KCNH8: variants seen among roughly 807,000 people sequenced by gnomAD.
KCNH8 encodes the protein voltage-gated delayed rectifier potassium channel KCNH8.
A neutral mutation model predicts 103.6 loss-of-function variants in KCNH8; 70 were observed. The observed-to-expected ratio is 0.68, with a 90% CI of 0.56 to 0.82. The LOEUF is 0.82. Among genes scored for constraint, KCNH8 ranks in the 40% least tolerant of loss-of-function variants. The pLI is 0.00. For synonymous variants in KCNH8, 498 were observed against 489.4 expected (o/e 1.02, Z -0.23); for missense variants, 1,217 against 1,329.9 (o/e 0.92, Z 1.32).
intron 11 of KCNH8, among the ~76,000 whole-genome samples, chr3:19,484,025 G>A (rs1452057540): frequency 3.9e-5 from 6 of 152,090 alleles, no homozygotes; most frequent in Admixed American, 3.3e-4. Flanking sequence ...AATTAAGAGA[G>A]TCACATTTCC....
intron 1 of KCNH8, among the ~76,000 whole-genome samples, chr3:19,243,394 C>T (rs554863998): frequency 1.5e-4 from 23 of 152,260 alleles, no homozygotes; most frequent in African/African-American, 5.3e-4. Flanking sequence ...GATATTACAG[C>T]CATGGAATAG....
chr3:19,437,333 A>G (rs1559327536), intron 7 of KCNH8, among the ~76,000 whole-genome samples: 1 of 152,192 alleles, frequency 6.6e-6, no homozygotes, highest in African/African-American at 2.4e-5. Context: ...TTTAAATTCT[A>G]GATAATATTA....
chr3:19,471,404 A>G (rs1416158579), intron 11 of KCNH8, among the ~76,000 whole-genome samples: 2 of 152,128 alleles, frequency 1.3e-5, no homozygotes, highest in Non-Finnish European at 2.9e-5. Context: ...ATTCCATGCT[A>G]CATTCTGGAT....
intron 3 of KCNH8, among the ~76,000 whole-genome samples, chr3:19,309,978 T>C (rs1156560969): frequency 6.6e-6 from 1 of 151,948 alleles, no homozygotes; most frequent in African/African-American, 2.4e-5. Flanking sequence ...ATCAGGTTTT[T>C]GGATCTTGTA....
chr3:19,375,363 C>G (rs1441170959), intron 5 of KCNH8, among the ~76,000 whole-genome samples: 1 of 150,570 alleles, frequency 6.6e-6, no homozygotes. Flanking sequence ...ATTTCATCTT[C>G]CATTGCTGAT....
chr3:19,267,364 G>A (rs2125263551), intron 2 of KCNH8, among the ~76,000 whole-genome samples: 1 of 152,176 alleles, frequency 6.6e-6, no homozygotes, highest in South Asian at 2.1e-4. Context: ...AGAAACTCCG[G>A]CATGTAAATA....
intron 1 of KCNH8, among the ~76,000 whole-genome samples, chr3:19,220,590 AT>A (rs34887096): frequency 0.11 from 16,197 of 150,584 alleles, 2,792 homozygotes; most frequent in African/African-American, 0.36. Flanking sequence ...CATGACACTG[AT>A]TTTTTTTTTC....
intron 2 of KCNH8, among the ~76,000 whole-genome samples, chr3:19,273,208 G>A (rs1055375286): frequency 6.6e-6 from 1 of 152,202 alleles, no homozygotes; most frequent in African/African-American, 2.4e-5. Context: ...TGCAATTAGA[G>A]AGGGTTAACT....
intron 4 of KCNH8, chr3:19,346,625 C>G (rs1575544249): frequency 2.2e-6 from 1 of 456,140 alleles, no homozygotes; most frequent in Admixed American, 2.4e-5. Context: ...TGTTCCTGAT[C>G]TTTCTGAACC....
At chr3:19,428,231 GA>G (rs1037349487) in intron 7 of KCNH8, among the ~76,000 whole-genome samples, 9 of 151,962 alleles carry the variant, frequency 5.9e-5, no homozygotes, top group African/African-American at 2.2e-4. Flanking sequence ...GACAAACACA[GA>G]AAAAAGATCA....
At chr3:19,264,848 C>A (rs2064486007) in intron 2 of KCNH8, among the ~76,000 whole-genome samples, 1 of 152,154 alleles carries the variant, frequency 6.6e-6, no homozygotes, top group East Asian at 1.9e-4. Context: ...AGTTAAAGAT[C>A]CTGATTCACA....
Position 19,385,161 on chromosome 3 carries a change from A to AT in KCNH8, c.812-5320_812-5319insT, listed in dbSNP as rs1212582512. On this transcript the variant is annotated intron_variant, in intron 5 of 15. Coordinates refer to ENST00000328405, the MANE Select transcript of KCNH8 (RefSeq NM_144633.3). ...CAATGTATTCTGTGCTGCTGCTGAGAACAAAACTAGAATAAAGGAAAGGAA... is the reference window on the plus strand; with the variant it reads ...CAATGTATTCTGTGCTGCTGCTGAGATACAAAACTAGAATAAAGGAAAGGAA... Among the ~76,000 whole-genome samples the AT allele has an allele frequency of 6.6e-5, 10 of 152,242 alleles. 1 individual carries two copies. The South Asian group carries it at 2.1e-3, about 32-fold the overall frequency.
Position 19,371,085 on chromosome 3 carries a change from T to C in KCNH8, c.812-19396T>C, listed in dbSNP as rs533122828. On this transcript the variant is annotated intron_variant, in intron 5 of 15. Coordinates refer to ENST00000328405, the MANE Select transcript of KCNH8 (RefSeq NM_144633.3). ...CAATAAACATACGTGTGCATGTGTC[T>C]TTATAGCAGCATGATTTATAATCCT... Among the ~76,000 whole-genome samples the C allele has an allele frequency of 2.9e-3, 440 of 152,138 alleles. 3 individuals are homozygous for C. Among genetic ancestry groups the C allele is most frequent in the African/African-American group, 0.01 (431 of 41,472 alleles).
intron 11 of KCNH8, among the ~76,000 whole-genome samples, chr3:19,501,813 A>G (rs2125234067): frequency 6.6e-6 from 1 of 152,262 alleles, no homozygotes; most frequent in African/African-American, 2.4e-5. Context: ...ACCCACAGCC[A>G]ATATCATACT....
chr3:19,241,650 C>A (rs538900566), intron 1 of KCNH8, among the ~76,000 whole-genome samples: 1 of 151,920 alleles, frequency 6.6e-6, no homozygotes, highest in African/African-American at 2.4e-5. Context: ...GATGTATTGA[C>A]AACATTGCCT....
chr3:19,513,093 T>C lies in KCNH8; in HGVS notation c.2203T>C (p.Ser735Pro). Residue 735 changes from serine to proline, a missense_variant, in exon 13 of 16, where the codon TCT (serine) becomes CCT (proline). Around this residue, in one of 3 missense-constraint regions of KCNH8, gnomAD observed 558 missense variants for 495.8 expected, o/e 1.13. Coordinates refer to ENST00000328405, the MANE Select transcript of KCNH8 (RefSeq NM_144633.3). ...VSLSPICTRG[S>P]SSRNKKVGSN... ...CCTCTCTCCCATCTGCACAAGGGGATCTTCTTCGCGCAACAAGAAGGTTGG... is the reference window on the plus strand; with the variant it reads ...CCTCTCTCCCATCTGCACAAGGGGACCTTCTTCGCGCAACAAGAAGGTTGG... 1.9e-6 allele frequency: 3 copies of C among 1,604,902 alleles called. No individual in the cohort carries two copies. Among genetic ancestry groups the C allele is most frequent in the Non-Finnish European group, 2.6e-6 (3 of 1,171,704 alleles).
chr3:19,163,896 A>C (rs3849567), intron 1 of KCNH8, among the ~76,000 whole-genome samples: 4,232 of 152,268 alleles, frequency 0.028, 184 homozygotes, highest in African/African-American at 0.094. Flanking sequence ...TCTCTAGCTT[A>C]ATTTATTGTA....
At chr3:19,288,938 G>T (rs1393068047) in intron 3 of KCNH8, among the ~76,000 whole-genome samples, 1 of 152,080 alleles carries the variant, frequency 6.6e-6, no homozygotes, top group East Asian at 1.9e-4. Context: ...GGTGTGAGAT[G>T]GTATCTCATT....
In KCNH8 at chr3:19,254,364, T is replaced by C. The variant is rs115489191; in HGVS notation, c.310+477T>C. The stretch of plus-strand genomic sequence containing the variant: ...AAAAAAAATTGGCATATGCATTTTC[T>C]TTTCCGGTTACCTAGCCACAGAGCC... On this transcript the variant is annotated intron_variant, in intron 2 of 15. Coordinates refer to ENST00000328405, the MANE Select transcript of KCNH8 (RefSeq NM_144633.3). Among the ~76,000 whole-genome samples the C allele has an allele frequency of 4.1e-3, 622 of 152,246 alleles. 2 individuals carry two copies. The highest frequency in any genetic ancestry group is 0.014 in the African/African-American group (587 of 41,552).
Sources: gnomAD v4.1 joint callset for allele counts (sites outside exome capture counted in the v4.1 genomes callset) on GRCh38, gnomAD v4.1.1 for gene constraint, gnomAD v4.1.1 regional missense constraint, MANE v1.5 for transcripts, NCBI Gene and HGNC (gene_info 2026-07-23, HGNC 2026-07-21) for gene names.